The following NXPH2 variants were observed in gnomAD, a reference collection of about 807,000 sequenced individuals.
The protein encoded by NXPH2 is neurexophilin 2, also known as neurexophilin-2.
NXPH2 carries 5 observed loss-of-function variants against 19.8 expected under a neutral mutation model. The ratio of observed to expected loss-of-function variants is 0.25; its 90% confidence interval spans 0.13 to 0.53. The LOEUF (loss-of-function observed/expected upper bound fraction) is 0.53, where lower values mean the gene tolerates loss of function less well. NXPH2 is among the 20% of genes least tolerant of loss of function. NXPH2 has a pLI of 0.96. For synonymous variants in NXPH2, 154 were observed against 127.4 expected, an observed-to-expected ratio of 1.21 and a Z score of -1.41; for missense variants, 289 against 322.8, an observed-to-expected ratio of 0.90 and a Z score of 0.80.
intron 1 of NXPH2, among the ~76,000 whole-genome samples, chr2:138,743,714 T>G (rs1044338352): frequency 5.9e-5 from 9 of 152,074 alleles, no homozygotes; most frequent in Non-Finnish European, 1.3e-4. Context: ...ATAAAAATGA[T>G]GGAAGTAGCC....
At chr2:138,682,921 G>A (rs1255805858) in intron 1 of NXPH2, among the ~76,000 whole-genome samples, 1 of 152,186 alleles carries the variant, frequency 6.6e-6, no homozygotes, top group African/African-American at 2.4e-5. Flanking sequence ...TATCATGTAT[G>A]CATGCACATA....
At chr2:138,727,036 G>A (rs1681370842) in intron 1 of NXPH2, among the ~76,000 whole-genome samples, 1 of 152,194 alleles carries the variant, frequency 6.6e-6, no homozygotes, top group Non-Finnish European at 1.5e-5. Context: ...ATAGTAGAAT[G>A]TAGCATTTTC....
chr2:138,702,827 A>G (rs1479814231), intron 1 of NXPH2, among the ~76,000 whole-genome samples: 1 of 152,190 alleles, frequency 6.6e-6, no homozygotes, highest in Non-Finnish European at 1.5e-5. Context: ...GCAGACAAAT[A>G]AGCTTTAACA....
At chr2:138,761,479 T>C (rs1682016623) in intron 1 of NXPH2, among the ~76,000 whole-genome samples, 1 of 152,258 alleles carries the variant, frequency 6.6e-6, no homozygotes, top group African/African-American at 2.4e-5. Context: ...TTGAAATTTC[T>C]TTGACTTACT....
chr2:138,730,037 G>C lies in NXPH2; in HGVS notation c.51+50154C>G, dbSNP rs145343806. 9.1e-3 allele frequency among the ~76,000 whole-genome samples: 1,380 copies of C among 152,182 alleles called. 15 individuals are homozygous for C. Among genetic ancestry groups the C allele is most frequent in the African/African-American group, 0.031 (1,308 of 41,526 alleles). On this transcript the variant is annotated intron_variant, in intron 1 of 1. Coordinates refer to ENST00000272641, the MANE Select transcript of NXPH2 (RefSeq NM_007226.3). ...CTGAGGCCTCTCTCCTTGGCTTGCA[G>C]ATGGCCATCTTTTTGCCGTGTCCTC...
intron 1 of NXPH2, among the ~76,000 whole-genome samples, chr2:138,742,036 C>A (rs1322093670): frequency 6.6e-6 from 1 of 152,134 alleles, no homozygotes; most frequent in Non-Finnish European, 1.5e-5. Flanking sequence ...ATGATTCTAG[C>A]CAACTGTCAG....
chr2:138,719,286 A>T (rs1681241235), intron 1 of NXPH2, among the ~76,000 whole-genome samples: 1 of 152,160 alleles, frequency 6.6e-6, no homozygotes, highest in African/African-American at 2.4e-5. Context: ...TCATCCCTAT[A>T]AAGGTAAGAA....
At chr2:138,776,064 G>C (rs921361641) in intron 1 of NXPH2, among the ~76,000 whole-genome samples, 2 of 152,056 alleles carry the variant, frequency 1.3e-5, no homozygotes, top group Non-Finnish European at 2.9e-5. Context: ...TCACAAACCT[G>C]TGACACATTT....
intron 1 of NXPH2, among the ~76,000 whole-genome samples, chr2:138,679,636 GTGATCCACCC>G (rs1680541942): frequency 6.6e-6 from 1 of 152,020 alleles, no homozygotes; most frequent in Non-Finnish European, 1.5e-5. Context: ...CAGACCTCAG[GTGATCCACCC>G]GCCTCTGCCT....
chr2:138,700,160 C>A (rs1680897797), intron 1 of NXPH2, among the ~76,000 whole-genome samples: 1 of 152,138 alleles, frequency 6.6e-6, no homozygotes, highest in South Asian at 2.1e-4. Flanking sequence ...ATAAGCAGAA[C>A]CCAAGTCCCC....
rs145874264 is a variant in NXPH2 at position 138,728,990 on chromosome 2, A to G, written c.51+51201T>C. Among the ~76,000 whole-genome samples, 16 of 152,318 alleles carry G rather than the reference A, an allele frequency of 1.1e-4. No individual in the cohort carries two copies. The East Asian group carries it at 2.9e-3, about 28-fold the overall frequency. Reference sequence around the variant, plus strand: ...GAATCTAATCAATTTTCTAGGGTCAAATAGATTAGGATTTTGCTTCTATTT... The same window carrying G: ...GAATCTAATCAATTTTCTAGGGTCAGATAGATTAGGATTTTGCTTCTATTT... On this transcript the variant is annotated intron_variant, in intron 1 of 1. Coordinates refer to ENST00000272641, the MANE Select transcript of NXPH2 (RefSeq NM_007226.3).
chr2:138,740,066 T>C (rs1385680018), intron 1 of NXPH2, among the ~76,000 whole-genome samples: 2 of 152,132 alleles, frequency 1.3e-5, no homozygotes, highest in Admixed American at 6.6e-5. Flanking sequence ...TGGCGTTCCA[T>C]ATCCCCAGAA....
intron 1 of NXPH2, among the ~76,000 whole-genome samples, chr2:138,771,804 T>C (rs1245942256): frequency 6.6e-6 from 1 of 152,114 alleles, no homozygotes; most frequent in Non-Finnish European, 1.5e-5. Flanking sequence ...GTCAAGAGCT[T>C]TCCAGAGGAA....
At chr2:138,780,079 C>A in intron 1 of NXPH2, 112 bp downstream of exon 1, 1 of 1,097,252 alleles carries the variant, frequency 9.1e-7, no homozygotes, top group Non-Finnish European at 1.2e-6. Flanking sequence ...CGCGCGCCCC[C>A]AACCCCACTT....
At chr2:138,709,713 C>A (rs1681068506) in intron 1 of NXPH2, among the ~76,000 whole-genome samples, 1 of 152,204 alleles carries the variant, frequency 6.6e-6, no homozygotes, top group African/African-American at 2.4e-5. Flanking sequence ...AATTCTTTTA[C>A]TGTCTCCCTA....
intron 1 of NXPH2, among the ~76,000 whole-genome samples, chr2:138,693,720 C>G (rs1420019722): frequency 6.6e-6 from 1 of 152,048 alleles, no homozygotes; most frequent in Admixed American, 6.6e-5. Context: ...AGTATAGAGA[C>G]AGTAGGTAGG....
intron 1 of NXPH2, among the ~76,000 whole-genome samples, chr2:138,738,934 G>A (rs997781884): frequency 7.9e-5 from 12 of 152,020 alleles, no homozygotes. Flanking sequence ...CTCAATAGAC[G>A]GCACAATGGA....
chr2:138,727,261 A>G (rs1681373492), intron 1 of NXPH2, among the ~76,000 whole-genome samples: 1 of 152,200 alleles, frequency 6.6e-6, no homozygotes, highest in African/African-American at 2.4e-5. Context: ...TTGTGTGCAC[A>G]TAAGTTTTCA....
chr2:138,710,487 CT>C (rs757302067), intron 1 of NXPH2, among the ~76,000 whole-genome samples: 2 of 152,028 alleles, frequency 1.3e-5, no homozygotes, highest in Admixed American at 6.6e-5. Context: ...AACCGCCAAA[CT>C]TTTTTTCAGC....
Sources: gnomAD v4.1 joint callset for allele counts (sites outside exome capture counted in the v4.1 genomes callset) on GRCh38, gnomAD v4.1.1 for gene constraint, MANE v1.5 for transcripts, NCBI Gene and HGNC (gene_info 2026-07-23, HGNC 2026-07-21) for gene names.